Variants in ZBTB40 observed in about 807,000 individuals in gnomAD.
The protein encoded by ZBTB40 is zinc finger and BTB domain containing 40.
A neutral mutation model predicts 117.5 loss-of-function variants in ZBTB40; 60 were observed. The ratio of observed to expected loss-of-function variants is 0.51; its 90% CI spans 0.41 to 0.63. The LOEUF (loss-of-function observed/expected upper bound fraction) is 0.63, where lower values mean the gene tolerates loss of function less well. ZBTB40 is among the 30% of genes least tolerant of loss of function. ZBTB40 has a pLI of 0.00. For synonymous variants in ZBTB40, 525 were observed against 577.1 expected, an observed-to-expected ratio of 0.91 and a Z score of 1.29; for missense variants, 1,287 against 1,498.5, an observed-to-expected ratio of 0.86 and a Z score of 2.33.
At chr1:22,442,211 C>T (rs1428549712) in intron 1 of ZBTB40, among the ~76,000 whole-genome samples, 1 of 152,112 alleles carries the variant, frequency 6.6e-6, no homozygotes, top group Non-Finnish European at 1.5e-5. Flanking sequence ...TGGAAAATGT[C>T]TCATGTGCAC....
chr1:22,430,790 T>G (rs1640570253), intron 1 of ZBTB40, among the ~76,000 whole-genome samples: 1 of 152,118 alleles, frequency 6.6e-6, no homozygotes, highest in South Asian at 2.1e-4. Flanking sequence ...TTTTATATAT[T>G]GTCCTTACCC....
At position 22,489,875 on chromosome 1, in the gene ZBTB40, T is replaced by C. The variant is rs1486846115; in HGVS notation, c.-69-5T>C. ...TTTAACCTGGTATTTTGTGGGTTTC[T>C]CTAGGGCCTGTCCTCCCAAAGCCAA... is the stretch of plus-strand genomic sequence containing the variant. On this transcript the variant is annotated splice_region_variant and splice_polypyrimidine_tract_variant and intron_variant, in intron 1 of 17. Coordinates refer to ENST00000375647, the MANE Select transcript of ZBTB40 (RefSeq NM_014870.4). 1.4e-6 allele frequency: 2 copies of C among 1,467,468 alleles called. No individual in the cohort carries two copies. Among genetic ancestry groups the C allele is most frequent in the African/African-American group, 1.4e-5 (1 of 72,024 alleles). The allele number at this position is 1,467,468 out of a possible 1,614,324, so 90.9% of individuals were successfully genotyped here.
In ZBTB40 at chr1:22,496,401, T is replaced by C. The variant is rs141419849; in HGVS notation, c.831+4868T>C. Among the ~76,000 whole-genome samples the C allele has an allele frequency of 8.5e-5, 13 of 152,066 alleles. No homozygotes were observed. The East Asian group carries it at 1.7e-3, about 20-fold the overall frequency. ...ACTACGTTGCCTGGGAGGCACCACA[T>C]TGATATAAAACAACTAAGTTAGGGT... On this transcript the variant is annotated intron_variant, in intron 3 of 17. Coordinates refer to ENST00000375647, the MANE Select transcript of ZBTB40 (RefSeq NM_014870.4).
chr1:22,501,378 C>T, intron 3 of ZBTB40, 114 bp from the exon 4 acceptor site: 1 of 1,149,242 alleles, frequency 8.7e-7, no homozygotes, highest in South Asian at 1.3e-5. Flanking sequence ...GGGTGAGGAG[C>T]TTCAGGAGAA....
At chr1:22,454,601 C>T (rs1452695687) in intron 1 of ZBTB40, among the ~76,000 whole-genome samples, 1 of 152,174 alleles carries the variant, frequency 6.6e-6, no homozygotes, top group East Asian at 1.9e-4. Context: ...TCAGCAGGTT[C>T]AGAGACTAAG....
At chr1:22,503,118 T>C (rs1638987470) in intron 5 of ZBTB40, among the ~76,000 whole-genome samples, 1 of 151,618 alleles carries the variant, frequency 6.6e-6, no homozygotes, top group Admixed American at 6.6e-5. Context: ...GTATCCTTTT[T>C]TTTTTTGCTA....
intron 1 of ZBTB40, among the ~76,000 whole-genome samples, chr1:22,489,096 G>A (rs1184993306): frequency 1.3e-5 from 2 of 152,192 alleles, no homozygotes; most frequent in Non-Finnish European, 2.9e-5. Flanking sequence ...GATATGTTAC[G>A]TTTCAGAAAC....
In ZBTB40 at chr1:22,502,359, T is replaced by C. The variant is rs756290475; in HGVS notation, c.1085T>C (p.Ile362Thr). The change falls in exon 5 of 18, where the codon ATA becomes ACA. Residue 362 changes from isoleucine to threonine, a missense_variant. Physicochemically the swap from Ile to Thr is moderately conservative, Grantham distance 89. This residue lies in a region of ZBTB40 where 870 missense variants were observed against 934.4 expected (regional missense o/e 0.93). Coordinates refer to ENST00000375647, the MANE Select transcript of ZBTB40 (RefSeq NM_014870.4). ...VLLLEHKEDL[I>T]QCVTQLRPIM... The stretch of plus-strand genomic sequence containing the variant: ...TTACTAGAACACAAAGAGGACCTGA[T>C]ACAGTGTGTAACACAGCTGAGACCT... 4 of 1,614,064 alleles carry C rather than the reference T, an allele frequency of 2.5e-6. No individual in the cohort carries two copies. The Admixed American group carries it at 5.0e-5, about 20-fold the overall frequency.
In ZBTB40 at chr1:22,509,088, C is replaced by G. The variant is rs906195132; in HGVS notation, c.1700-12C>G. ...GTTTGCCTAATGAGTTTTTGATCCC[C>G]CTTTTTTTCAGTGACCACCCCAGAA... On this transcript the variant is annotated splice_polypyrimidine_tract_variant and intron_variant, in intron 8 of 17. Coordinates refer to ENST00000375647, the MANE Select transcript of ZBTB40 (RefSeq NM_014870.4). 2 of 1,613,914 alleles carry G rather than the reference C, an allele frequency of 1.2e-6. No homozygotes were observed. The highest frequency in any genetic ancestry group is 1.7e-5 in the Admixed American group (1 of 59,988).
intron 1 of ZBTB40, among the ~76,000 whole-genome samples, chr1:22,453,696 G>A (rs554941527): frequency 2.0e-5 from 3 of 152,288 alleles, no homozygotes; most frequent in South Asian, 4.1e-4. Flanking sequence ...ACAAACTCAC[G>A]TCGGAGAGAT....
intron 13 of ZBTB40, among the ~76,000 whole-genome samples, chr1:22,519,423 A>T (rs112825028): frequency 4.6e-5 from 7 of 152,350 alleles, no homozygotes; most frequent in African/African-American, 1.7e-4. Context: ...AATTATGCCC[A>T]TGGGCAAGAT....
chr1:22,442,320 C>T (rs145380758), intron 1 of ZBTB40, among the ~76,000 whole-genome samples: 106 of 152,240 alleles, frequency 7.0e-4, no homozygotes, highest in African/African-American at 2.5e-3. Context: ...GAGAGAGACC[C>T]AAGGTCAGGC....
intron 3 of ZBTB40, among the ~76,000 whole-genome samples, chr1:22,496,834 A>G (rs1238673780): frequency 1.3e-5 from 2 of 152,238 alleles, no homozygotes; most frequent in African/African-American, 4.8e-5. Flanking sequence ...AAGCCATGGT[A>G]GGTGGCACAC....
At chr1:22,521,379 G>A (rs1639519990) in intron 14 of ZBTB40, 117 bp from the exon 15 acceptor site, 1 of 1,298,016 alleles carries the variant, frequency 7.7e-7, no homozygotes, top group Non-Finnish European at 1.1e-6. Flanking sequence ...GTAAGAGTGT[G>A]TGATACTAGA....
intron 1 of ZBTB40, among the ~76,000 whole-genome samples, chr1:22,454,661 G>A (rs1015860236): frequency 1.3e-5 from 2 of 152,346 alleles, no homozygotes; most frequent in Middle Eastern, 3.4e-3. Flanking sequence ...TCACTGTGCT[G>A]TGGTTCACTC....
intron 3 of ZBTB40, among the ~76,000 whole-genome samples, chr1:22,496,331 G>C (rs796130638): frequency 2.0e-5 from 3 of 152,160 alleles, no homozygotes; most frequent in South Asian, 2.1e-4. Context: ...ACCAGGTAGT[G>C]CTCAGAAGCA....
chr1:22,520,043 G>T lies in ZBTB40; in HGVS notation c.2834-18G>T. The T allele has an allele frequency of 6.2e-7, 1 of 1,610,948 alleles. No individual in the cohort carries two copies. Among genetic ancestry groups the T allele is most frequent in the Non-Finnish European group, 8.5e-7 (1 of 1,177,122 alleles). On this transcript the variant is annotated intron_variant, in intron 13 of 17. Coordinates refer to ENST00000375647, the MANE Select transcript of ZBTB40 (RefSeq NM_014870.4). ...TTCCTCTCCACCTCTTCCTCTCATG[G>T]ATGTCCCGTGAAACTAGACATAGAA...
In ZBTB40 at chr1:22,508,146, G is replaced by C; in HGVS notation, c.1497+9G>C. ...CCCCTGGAGAAAGAGAGGTAAGAGA[G>C]GGAGAGAAACAGAGGGAGGGGAGGG... On this transcript the variant is annotated intron_variant, in intron 7 of 17. Coordinates refer to ENST00000375647, the MANE Select transcript of ZBTB40 (RefSeq NM_014870.4). 1.2e-6 allele frequency: 2 copies of C among 1,613,382 alleles called. No individual in the cohort carries two copies. The highest frequency in any genetic ancestry group is 1.7e-6 in the Non-Finnish European group (2 of 1,179,950).
At chr1:22,446,676 C>T (rs1317586791) in intron 1 of ZBTB40, among the ~76,000 whole-genome samples, 2 of 151,912 alleles carry the variant, frequency 1.3e-5, no homozygotes, top group African/African-American at 4.8e-5. Context: ...ATTCTGTACG[C>T]TGTGGAATTA....
Sources: gnomAD v4.1 joint callset for allele counts (sites outside exome capture counted in the v4.1 genomes callset) on GRCh38, gnomAD v4.1.1 for gene constraint, gnomAD v4.1.1 regional missense constraint, MANE v1.5 for transcripts, NCBI Gene and HGNC (gene_info 2026-07-23, HGNC 2026-07-21) for gene names.